Variants in CTPS2 observed in about 807,000 individuals in gnomAD.
The protein encoded by CTPS2 is CTP synthase II.
A neutral mutation model predicts 46.8 loss-of-function variants in CTPS2; 19 were observed. The ratio of observed to expected loss-of-function variants is 0.41; its 90% CI spans 0.28 to 0.60. The LOEUF is 0.60. Ranked by LOEUF, CTPS2 falls within the 20% of genes least tolerant of loss-of-function variation. The probability of loss-of-function intolerance (pLI) is 0.35; values close to 1 mark genes in which losing one functional copy is unlikely to be tolerated. For missense variants in CTPS2, 286 were observed against 447.6 expected, an observed-to-expected ratio of 0.64 and a Z score of 3.26; for synonymous variants, 151 against 165.2, an observed-to-expected ratio of 0.91 and a Z score of 0.66.
chrX:16,664,333 T>C (rs182860905), intron 13 of CTPS2, among the ~76,000 whole-genome samples: 2 of 112,196 alleles, frequency 1.8e-5, no homozygotes, highest in African/African-American at 3.2e-5. Flanking sequence ...TATGTTTATA[T>C]TAAAGGCTCA....
At chrX:16,632,266 G>A (rs1053781496) in intron 14 of CTPS2, among the ~76,000 whole-genome samples, 46 of 111,028 alleles carry the variant, frequency 4.1e-4, no homozygotes, top group African/African-American at 9.8e-4. Flanking sequence ...GAGAAACCCC[G>A]TCTCTATTTT....
At chrX:16,621,449 A>T (rs1930832351) in intron 14 of CTPS2, among the ~76,000 whole-genome samples, 1 of 101,975 alleles carries the variant, frequency 9.8e-6, no homozygotes, top group South Asian at 4.4e-4. Context: ...CTTAAAGTAT[A>T]ATAATAATAA....
At chrX:16,665,899 C>T (rs971913144) in intron 13 of CTPS2, among the ~76,000 whole-genome samples, 2 of 111,188 alleles carry the variant, frequency 1.8e-5, no homozygotes, top group African/African-American at 6.6e-5. Context: ...TACAAGCATG[C>T]ACCAGCACGC....
chrX:16,600,019 T>G (rs1929564040), intron 17 of CTPS2, among the ~76,000 whole-genome samples: 1 of 112,084 alleles, frequency 8.9e-6, no homozygotes, highest in South Asian at 3.7e-4. Context: ...CCTCAAGTGA[T>G]CCGCCCGCCT....
Position 16,699,297 on chromosome X carries a change from GT to G in CTPS2, c.167-205del, listed in dbSNP as rs1006182627. ...ATTCTATTTATAATATTCTATTGTG[GT>G]TTTTTTTTAATCTACTGAAATTCTG... On this transcript the variant is annotated intron_variant, in intron 2 of 18. Transcript: ENST00000359276. 7.3e-5 allele frequency among the ~76,000 whole-genome samples: 8 copies of G among 110,088 alleles called. No homozygotes were observed. In the East Asian group the frequency reaches 8.6e-4, roughly 12 times the overall value.
intron 16 of CTPS2, among the ~76,000 whole-genome samples, chrX:16,611,762 T>C (rs1602135184): frequency 9.0e-6 from 1 of 111,229 alleles, no homozygotes; most frequent in African/African-American, 3.3e-5. Context: ...AAAAATCCAG[T>C]GTAGAAATCC....
In CTPS2 at chrX:16,609,603, C is replaced by T. The variant is rs764289156; in HGVS notation, c.1629G>A (p.Leu543=). Residue 543 remains leucine (L), a synonymous_variant, in exon 17 of 19, where the codon CTG becomes CTA. Coordinates refer to ENST00000359276, the MANE Select transcript of CTPS2 (RefSeq NM_175859.3). ...TCAGGTTCCCAGTTGCTGCAAGTAACAGCCCCAGATACGGAGGGGAAGGCT... is the reference window on the plus strand; with the variant it reads ...TCAGGTTCCCAGTTGCTGCAAGTAATAGCCCCAGATACGGAGGGGAAGGCT... ...PMKPSPPYLG[L]LLAATGNLNA... is the part of the protein sequence containing the mutation. 4.1e-6 allele frequency: 5 copies of T among 1,211,406 alleles called. No individual in the cohort carries two copies. The highest frequency in any genetic ancestry group is 5.6e-6 in the Non-Finnish European group (5 of 895,260).
chrX:16,603,139 T>C (rs111363726), intron 17 of CTPS2, among the ~76,000 whole-genome samples: 2,849 of 111,683 alleles, frequency 0.026, 100 homozygotes, highest in African/African-American at 0.087. Context: ...CAAAATGGCC[T>C]GGCGCGGTGG....
At chrX:16,684,523 A>AAAAAAC (rs1463958507) in intron 8 of CTPS2, among the ~76,000 whole-genome samples, 46 of 96,098 alleles carry the variant, frequency 4.8e-4, no homozygotes, top group African/African-American at 5.5e-4. Flanking sequence ...AAAAAAAAAA[A>AAAAAAC]AAAAACAAAA....
intron 18 of CTPS2, among the ~76,000 whole-genome samples, chrX:16,589,994 T>C (rs1928802674): frequency 8.9e-6 from 1 of 111,849 alleles, no homozygotes; most frequent in Admixed American, 9.5e-5. Flanking sequence ...AAAGCTGCTG[T>C]CTCTGCTAAA....
At chrX:16,687,230 T>C (rs1292473336) in intron 8 of CTPS2, among the ~76,000 whole-genome samples, 3 of 111,067 alleles carry the variant, frequency 2.7e-5, no homozygotes, top group African/African-American at 9.8e-5. Context: ...GCCAGGCATA[T>C]GGCTCATTCC....
intron 15 of CTPS2, among the ~76,000 whole-genome samples, chrX:16,619,371 T>C (rs1373736996): frequency 8.9e-6 from 1 of 112,301 alleles, no homozygotes; most frequent in Non-Finnish European, 1.9e-5. Context: ...ATGTTCAGCA[T>C]TGCCCTGAAA....
At chrX:16,659,266 T>C (rs780900123) in intron 13 of CTPS2, among the ~76,000 whole-genome samples, 1 of 111,558 alleles carries the variant, frequency 9.0e-6, no homozygotes, top group Non-Finnish European at 1.9e-5. Flanking sequence ...CAAGATGCCA[T>C]GAGAGACACA....
chrX:16,646,140 C>T (rs1365031324), intron 13 of CTPS2, among the ~76,000 whole-genome samples: 2 of 112,770 alleles, frequency 1.8e-5, no homozygotes, highest in Admixed American at 9.4e-5. Flanking sequence ...CAGATGTAAA[C>T]CTAACACTTA....
At chrX:16,655,480 G>A (rs937950629) in intron 13 of CTPS2, among the ~76,000 whole-genome samples, 1 of 111,814 alleles carries the variant, frequency 8.9e-6, no homozygotes, top group South Asian at 3.8e-4. Context: ...GAAGTGCAGA[G>A]GAGGGAAGGG....
chrX:16,687,202 T>C (rs1923271353), intron 8 of CTPS2, among the ~76,000 whole-genome samples: 1 of 110,801 alleles, frequency 9.0e-6, no homozygotes, highest in Non-Finnish European at 1.9e-5. Flanking sequence ...AACATGTGGC[T>C]TTAAAAAGCA....
chrX:16,654,393 T>C (rs376879718), intron 13 of CTPS2: 3 of 1,105,465 alleles, frequency 2.7e-6, no homozygotes, highest in Non-Finnish European at 3.7e-6. Context: ...CATCCTTTTT[T>C]ATGTAAAACA....
intron 13 of CTPS2, 46 bp downstream of exon 13, chrX:16,667,468 C>T (rs752663861): frequency 8.5e-7 from 1 of 1,182,217 alleles, no homozygotes; most frequent in Non-Finnish European, 1.2e-6. Flanking sequence ...AGAGCCAGGA[C>T]CCAAGTGACA....
rs774941879 is a variant in CTPS2 at position 16,658,732 on chromosome X, G to T, written c.1296+8782C>A. ...TCATTTTAACAACTGTTTTGTTCAC[G>T]ATGGTGCACATTTTTTATTTGTTGC... On this transcript the variant is annotated intron_variant, in intron 13 of 18. Transcript: ENST00000359276. Among the ~76,000 whole-genome samples, 3 of 112,319 alleles carry T rather than the reference G, an allele frequency of 2.7e-5. No homozygotes were observed. In the East Asian group the frequency reaches 8.4e-4, roughly 31 times the overall value.
Sources: allele counts gnomAD v4.1 joint callset (sites outside exome capture counted in the v4.1 genomes callset), GRCh38; gene constraint gnomAD v4.1.1; transcripts MANE v1.5; gene names NCBI Gene and HGNC (gene_info 2026-07-23, HGNC 2026-07-21).